Variants in ITPR1 observed in about 807,000 individuals in gnomAD.
ITPR1 encodes inositol 1,4,5-trisphosphate receptor type 1.
A neutral mutation model predicts 318.4 loss-of-function variants in ITPR1; 96 were observed. The observed-to-expected ratio is 0.30, with a 90% confidence interval of 0.26 to 0.36. The LOEUF (loss-of-function observed/expected upper bound fraction) is 0.36. Among genes scored for constraint, ITPR1 ranks in the 10% least tolerant of loss-of-function variants. ITPR1 has a pLI of 1.00. For synonymous variants in ITPR1, 1,312 were observed against 1,289.9 expected (o/e 1.02, Z -0.37); for missense variants, 2,440 against 3,460.2 (o/e 0.71, Z 7.40).
intron 23 of ITPR1, among the ~76,000 whole-genome samples, chr3:4,675,547 A>G (rs1187162694): frequency 2.0e-5 from 3 of 152,212 alleles, no homozygotes; most frequent in Admixed American, 6.5e-5. Flanking sequence ...AGTCGTGTGT[A>G]TATTTTGTTG....
intron 17 of ITPR1, among the ~76,000 whole-genome samples, 154 bp from the exon 18 acceptor site, chr3:4,667,223 A>G (rs1478729943): frequency 6.6e-6 from 1 of 152,216 alleles, no homozygotes; most frequent in Non-Finnish European, 1.5e-5. Context: ...CTGTTGCCCT[A>G]GGATAGAAAG....
chr3:4,648,532 A>T (rs1274154415), intron 10 of ITPR1, among the ~76,000 whole-genome samples: 5 of 152,066 alleles, frequency 3.3e-5, no homozygotes, highest in African/African-American at 1.2e-4. Flanking sequence ...TGTTTTGGCC[A>T]GGTGCGATGG....
At chr3:4,494,032 G>A (rs1036060038) in intron 1 of ITPR1, among the ~76,000 whole-genome samples, 1 of 152,164 alleles carries the variant, frequency 6.6e-6, no homozygotes, top group Non-Finnish European at 1.5e-5. Context: ...CGTGGGGAGG[G>A]TTTTTAAAAA....
chr3:4,540,996 C>A (rs17040868), intron 4 of ITPR1, among the ~76,000 whole-genome samples: 15,568 of 151,914 alleles, frequency 0.1, 853 homozygotes, highest in South Asian at 0.15. Flanking sequence ...GATATTTTAA[C>A]GTGCATATTT....
chr3:4,626,045 A>G (rs2092815228), intron 4 of ITPR1, among the ~76,000 whole-genome samples: 1 of 152,158 alleles, frequency 6.6e-6, no homozygotes. Context: ...AAGCTGAGGC[A>G]GGAGGATGGC....
Position 4,652,107 on chromosome 3 carries a change from T to C in ITPR1, c.856-16T>C. The stretch of plus-strand genomic sequence containing the variant: ...TAGGTTGACATTTCATTGACTCCTG[T>C]TGATCATTCTTGCAGGTGGTCCAGC... On this transcript the variant is annotated splice_polypyrimidine_tract_variant and intron_variant, in intron 10 of 61. Transcript: ENST00000649015. 1 of 1,594,650 alleles carries C rather than the reference T, an allele frequency of 6.3e-7. No homozygotes were observed. Among genetic ancestry groups the C allele is most frequent in the Non-Finnish European group, 8.6e-7 (1 of 1,165,714 alleles).
chr3:4,704,567 A>T (rs988730033), intron 36 of ITPR1, among the ~76,000 whole-genome samples: 2 of 152,234 alleles, frequency 1.3e-5, no homozygotes, highest in Non-Finnish European at 2.9e-5. Context: ...GAAAAAAGAA[A>T]AAAAAAAGTT....
intron 5 of ITPR1, 139 bp from the exon 6 acceptor site, chr3:4,639,245 G>A (rs2093278655): frequency 1.6e-6 from 1 of 639,718 alleles, no homozygotes. Flanking sequence ...CTCATTTCTT[G>A]AAGCCTCAGG....
chr3:4,686,850 G>A (rs1482625010), intron 30 of ITPR1, among the ~76,000 whole-genome samples: 1 of 152,224 alleles, frequency 6.6e-6, no homozygotes, highest in Non-Finnish European at 1.5e-5. Context: ...AACTGTTTAA[G>A]GTTACAGCTG....
intron 45 of ITPR1, among the ~76,000 whole-genome samples, chr3:4,767,341 G>C (rs140485039): frequency 9.9e-4 from 151 of 152,360 alleles, no homozygotes; most frequent in Middle Eastern, 3.4e-3. Flanking sequence ...GATGCCAGCA[G>C]CATACCCCTA....
chr3:4,843,074 GTTTTTTTTTTT>G (rs11404208), intron 61 of ITPR1, among the ~76,000 whole-genome samples: 1 of 105,450 alleles, frequency 9.5e-6, no homozygotes, highest in African/African-American at 3.5e-5. Context: ...GTTTTGAGGG[GTTTTTTTTTTT>G]TTTTTTTTTT....
chr3:4,731,910 A>G (rs1449489371), intron 42 of ITPR1, among the ~76,000 whole-genome samples: 1 of 152,234 alleles, frequency 6.6e-6, no homozygotes, highest in Non-Finnish European at 1.5e-5. Context: ...GGTCTCTTCA[A>G]AAGAACTCTG....
intron 2 of ITPR1, among the ~76,000 whole-genome samples, chr3:4,502,927 C>CA (rs1016070566): frequency 6.6e-5 from 10 of 151,386 alleles, no homozygotes; most frequent in African/African-American, 2.2e-4. Context: ...ACTAAAATTA[C>CA]AAAAAAAATT....
intron 20 of ITPR1, among the ~76,000 whole-genome samples, chr3:4,672,071 A>C (rs2094098758): frequency 6.6e-6 from 1 of 152,130 alleles, no homozygotes; most frequent in African/African-American, 2.4e-5. Flanking sequence ...GATTTATCAC[A>C]TTTTCATCGC....
chr3:4,511,308 T>C lies in ITPR1; in HGVS notation c.-16-5168T>C, dbSNP rs550507395. ...AGAATCAAATCTTCCCTGCCCCCCCTTTTTTTTTACGCACAGCTCAGGGAG... is the reference window on the plus strand; with the variant it reads ...AGAATCAAATCTTCCCTGCCCCCCCCTTTTTTTTACGCACAGCTCAGGGAG... On this transcript the variant is annotated intron_variant, in intron 2 of 61. Transcript: ENST00000649015. Among the ~76,000 whole-genome samples, 1,159 of 151,052 alleles carry C rather than the reference T, an allele frequency of 7.7e-3. 28 individuals carry two copies. Among genetic ancestry groups the C allele is most frequent in the African/African-American group, 0.026 (1,080 of 41,188 alleles).
chr3:4,806,599 A>AC (rs2048569547), intron 55 of ITPR1, among the ~76,000 whole-genome samples: 1 of 152,122 alleles, frequency 6.6e-6, no homozygotes, highest in Non-Finnish European at 1.5e-5. Context: ...ACTCAGCCGC[A>AC]CTTACACCAA....
Position 4,826,985 on chromosome 3 carries a change from G to A in ITPR1, c.8028+8743G>A, listed in dbSNP as rs17041493. ...GAGGGTTATGCACAGACATTGTTCC[G>A]TCAGCCACTGAAGACTCGCTTCACT... On this transcript the variant is annotated intron_variant, in intron 60 of 61. Transcript: ENST00000649015. This position sits in a 1 kb window ranked among gnomAD's most constrained non-coding sequence, Gnocchi z 4.2. Among the ~76,000 whole-genome samples, 23,747 of 152,172 alleles carry A rather than the reference G, an allele frequency of 0.16. 2,015 individuals carry two copies. Among genetic ancestry groups the A allele is most frequent in the South Asian group, 0.25 (1,191 of 4,816 alleles).
At chr3:4,768,443 A>G in intron 45 of ITPR1, 68 bp from the exon 46 acceptor site, 1 of 1,491,528 alleles carries the variant, frequency 6.7e-7, no homozygotes, top group Non-Finnish European at 9.0e-7. Context: ...TCTGAGTGTC[A>G]CCTTTGGAGT....
At chr3:4,538,696 C>G (rs2084108975) in intron 4 of ITPR1, among the ~76,000 whole-genome samples, 1 of 152,106 alleles carries the variant, frequency 6.6e-6, no homozygotes, top group Non-Finnish European at 1.5e-5. Flanking sequence ...TATATATACA[C>G]CATGGAATAC....
Sources: allele counts gnomAD v4.1 joint callset (sites outside exome capture counted in the v4.1 genomes callset), GRCh38; gene constraint gnomAD v4.1.1; non-coding constraint Gnocchi (gnomAD v3.1); transcripts MANE v1.5; gene names NCBI Gene and HGNC (gene_info 2026-07-23, HGNC 2026-07-21).